The following TENM2 variants were observed in gnomAD, a reference collection of about 807,000 sequenced individuals.
The protein encoded by TENM2 is teneurin transmembrane protein 2, also known as teneurin-2.
A neutral mutation model predicts 245.2 loss-of-function variants in TENM2; 52 were observed. The observed-to-expected ratio is 0.21, with a 90% CI of 0.17 to 0.27. TENM2 has a LOEUF of 0.27. Ranked by LOEUF, TENM2 falls within the 10% of genes least tolerant of loss-of-function variation. TENM2 has a pLI of 1.00. For synonymous variants in TENM2, 1,363 were observed against 1,438.9 expected (o/e 0.95, Z 1.19); for missense variants, 3,046 against 3,666.8 (o/e 0.83, Z 4.37).
chr5:167,448,145 G>A (rs528564033), intron 2 of TENM2, among the ~76,000 whole-genome samples: 3 of 152,208 alleles, frequency 2.0e-5, no homozygotes, highest in East Asian at 1.9e-4. Context: ...TGGCAAAATC[G>A]CTGCTTATAT....
intron 2 of TENM2, among the ~76,000 whole-genome samples, chr5:167,423,555 A>G (rs1196941466): frequency 1.3e-5 from 2 of 152,212 alleles, no homozygotes; most frequent in Admixed American, 1.3e-4. Context: ...TGATGTGCCT[A>G]GCATTAAAAA....
At chr5:167,996,375 A>C (rs1784049432) in intron 5 of TENM2, among the ~76,000 whole-genome samples, 1 of 152,134 alleles carries the variant, frequency 6.6e-6, no homozygotes, top group African/African-American at 2.4e-5. Context: ...CCTGGAATAA[A>C]TTACTCTGGA....
At chr5:167,060,123 G>A in the TENM2 span, among the ~76,000 whole-genome samples, 10 of 151,968 alleles carry the variant, frequency 6.6e-5, no homozygotes, top group Admixed American at 5.9e-4. Flanking sequence ...TGCAGCAATG[G>A]ATGTATCTTT....
At chr5:167,512,243 TG>T (rs1182754372) in intron 2 of TENM2, among the ~76,000 whole-genome samples, 1 of 152,188 alleles carries the variant, frequency 6.6e-6, no homozygotes, top group African/African-American at 2.4e-5. Context: ...CATGTTTTGG[TG>T]CTTGGATGTA....
In TENM2 at chr5:168,215,176, G is replaced by T. The variant is rs11957063; in HGVS notation, c.3982G>T (p.Val1328Phe). 1,142 of 1,613,920 alleles carry T rather than the reference G, an allele frequency of 7.1e-4. 6 individuals carry two copies. In the African/African-American group the frequency reaches 0.014, roughly 19 times the overall value. Residue 1328 changes from valine to phenylalanine, a missense_variant, in exon 21 of 29, where the codon GTT (valine) becomes TTT (phenylalanine). Physicochemically the swap from Val to Phe is conservative, Grantham distance 50 (BLOSUM62 -1). This residue lies in a region of TENM2 where 2,704 missense variants were observed against 3,331.9 expected (regional missense o/e 0.81). Coordinates refer to ENST00000518659, the Ensembl canonical transcript of TENM2. The stretch of plus-strand genomic sequence containing the variant: ...CAAAGACCTGGCTGGGAATTCGGAA[G>T]TTGTGGCAGGGACGGGAGAGCAGTG...
At chr5:166,986,759 T>C in the TENM2 span, among the ~76,000 whole-genome samples, 346 of 152,268 alleles carry the variant, frequency 2.3e-3, 2 homozygotes, top group Middle Eastern at 0.034. Flanking sequence ...TTACGACTTA[T>C]TGTGAATTGC....
At chr5:167,808,248 C>T (rs1766375092) in intron 2 of TENM2, among the ~76,000 whole-genome samples, 1 of 152,076 alleles carries the variant, frequency 6.6e-6, no homozygotes, top group Non-Finnish European at 1.5e-5. Context: ...TGACATGGAA[C>T]TTCTTTTTTG....
chr5:167,381,136 G>A (rs575660179), intron 2 of TENM2, among the ~76,000 whole-genome samples: 123 of 152,156 alleles, frequency 8.1e-4, no homozygotes, highest in Middle Eastern at 3.4e-3. Context: ...TTAGCCATTC[G>A]GAAACTGAGA....
the TENM2 span, among the ~76,000 whole-genome samples, chr5:167,206,526 C>G: frequency 2.0e-5 from 3 of 152,126 alleles, no homozygotes; most frequent in Admixed American, 1.3e-4. Context: ...GAGCAAACAC[C>G]TGTATTAGAC....
At chr5:167,795,117 G>T (rs921668058) in intron 2 of TENM2, among the ~76,000 whole-genome samples, 1 of 152,194 alleles carries the variant, frequency 6.6e-6, no homozygotes, top group South Asian at 2.1e-4. Context: ...TTACAGCTGA[G>T]ATTGAGGGAA....
the TENM2 span, among the ~76,000 whole-genome samples, chr5:167,257,259 T>C: frequency 1.1e-4 from 16 of 152,134 alleles, no homozygotes; most frequent in African/African-American, 3.9e-4. Context: ...AATGATTTAT[T>C]AATCTGCTTG....
chr5:167,413,315 C>T (rs1051696473), intron 2 of TENM2, among the ~76,000 whole-genome samples: 1 of 151,842 alleles, frequency 6.6e-6, no homozygotes, highest in Non-Finnish European at 1.5e-5. Context: ...TAATGAAATA[C>T]GATGTATTCA....
At chr5:167,136,642 C>T in the TENM2 span, among the ~76,000 whole-genome samples, 1 of 152,156 alleles carries the variant, frequency 6.6e-6, no homozygotes, top group Non-Finnish European at 1.5e-5. Flanking sequence ...TAATGTCACT[C>T]AAATGAGAAA....
At chr5:167,784,254 G>A (rs1764409522) in intron 2 of TENM2, among the ~76,000 whole-genome samples, 2 of 152,028 alleles carry the variant, frequency 1.3e-5, no homozygotes, top group Non-Finnish European at 2.9e-5. Context: ...TTTGTAAAAT[G>A]GGGAAACAAA....
At chr5:167,585,738 A>T (rs529631400) in intron 2 of TENM2, among the ~76,000 whole-genome samples, 98 of 152,226 alleles carry the variant, frequency 6.4e-4, no homozygotes, top group African/African-American at 2.3e-3. Context: ...AAATAATAAA[A>T]TTTTTATTTT....
intron 2 of TENM2, among the ~76,000 whole-genome samples, chr5:167,623,509 G>A (rs1778307398): frequency 1.3e-5 from 2 of 151,840 alleles, no homozygotes; most frequent in African/African-American, 2.4e-5. Context: ...ATGCTACATC[G>A]CAGCCAACAG....
chr5:167,981,842 C>T (rs542623602), intron 4 of TENM2, among the ~76,000 whole-genome samples: 12 of 152,028 alleles, frequency 7.9e-5, no homozygotes, highest in South Asian at 4.2e-4. Context: ...GGCGTGGTGG[C>T]GTGCACCTGT....
At chr5:168,001,352 G>A (rs952205229) in intron 5 of TENM2, among the ~76,000 whole-genome samples, 8 of 152,324 alleles carry the variant, frequency 5.3e-5, no homozygotes, top group African/African-American at 1.9e-4. Flanking sequence ...GTTTGTATCT[G>A]GCATAAGGCC....
chr5:167,901,702 A>C (rs1355385694), intron 3 of TENM2, among the ~76,000 whole-genome samples: 1 of 152,194 alleles, frequency 6.6e-6, no homozygotes, highest in Non-Finnish European at 1.5e-5. Context: ...GTTTTTAAAT[A>C]TTATGCTAGA....
Sources: allele counts gnomAD v4.1 joint callset (sites outside exome capture counted in the v4.1 genomes callset), GRCh38; gene constraint gnomAD v4.1.1; regional missense constraint gnomAD v4.1.1; transcripts MANE v1.5; gene names NCBI Gene and HGNC (gene_info 2026-07-23, HGNC 2026-07-21).